Variants in SOX6 observed in about 807,000 individuals in gnomAD.
SOX6 encodes the protein SRY-box transcription factor 6.
Under a neutral mutation model 97.8 loss-of-function variants are expected in SOX6, and 11 were observed. That is an observed-to-expected ratio of 0.11 (90% confidence interval 0.07 to 0.19). SOX6 has a LOEUF of 0.19. SOX6 is among the 10% of genes least tolerant of loss of function. SOX6 has a pLI of 1.00. For missense variants in SOX6, 810 were observed against 1,039.5 expected, an observed-to-expected ratio of 0.78 and a Z score of 3.04; for synonymous variants, 360 against 371.4, an observed-to-expected ratio of 0.97 and a Z score of 0.35.
At chr11:16,416,693 C>T (rs1051806100) in intron 1 of SOX6, among the ~76,000 whole-genome samples, 2 of 152,168 alleles carry the variant, frequency 1.3e-5, no homozygotes, top group Admixed American at 6.5e-5. Flanking sequence ...CCTATACTTT[C>T]ACAAATTCAC....
chr11:16,452,376 G>A (rs1859734335), intron 1 of SOX6, among the ~76,000 whole-genome samples: 1 of 152,110 alleles, frequency 6.6e-6, no homozygotes, highest in Non-Finnish European at 1.5e-5. Flanking sequence ...GTTTTCCAAG[G>A]AAAGGGGAGT....
At chr11:16,666,510 G>GAA (rs1471408593) in intron 3 of SOX6, among the ~76,000 whole-genome samples, 1 of 152,156 alleles carries the variant, frequency 6.6e-6, no homozygotes, top group South Asian at 2.1e-4. Flanking sequence ...CAGGCTATTT[G>GAA]AAAATATATA....
intron 4 of SOX6, among the ~76,000 whole-genome samples, chr11:16,589,869 C>T (rs1010091538): frequency 6.6e-6 from 1 of 152,102 alleles, no homozygotes; most frequent in Non-Finnish European, 1.5e-5. Flanking sequence ...TCAATCAGTA[C>T]TTTACAAAAT....
intron 3 of SOX6, among the ~76,000 whole-genome samples, chr11:16,235,725 A>G (rs1481219368): frequency 6.6e-6 from 1 of 151,812 alleles, no homozygotes; most frequent in Non-Finnish European, 1.5e-5. Flanking sequence ...TTTCCCTTTC[A>G]TTTTTTATTT....
At chr11:16,275,619 G>A (rs1239204266) in intron 3 of SOX6, among the ~76,000 whole-genome samples, 7 of 152,074 alleles carry the variant, frequency 4.6e-5, no homozygotes, top group Non-Finnish European at 8.8e-5. Flanking sequence ...CTTATACAAA[G>A]GGCCTATTTG....
chr11:16,287,298 T>TCACACACACACACA (rs371413164), intron 3 of SOX6, among the ~76,000 whole-genome samples: 17 of 123,448 alleles, frequency 1.4e-4, no homozygotes, highest in African/African-American at 4.6e-4. Flanking sequence ...TCTCTCTCTC[T>TCACACACACACACA]CACACACACA....
chr11:16,325,752 TC>T (rs1319174996), intron 2 of SOX6, among the ~76,000 whole-genome samples: 1 of 152,090 alleles, frequency 6.6e-6, no homozygotes, highest in Non-Finnish European at 1.5e-5. Flanking sequence ...TGAATGTACG[TC>T]CCCCCATAAT....
chr11:16,325,417 T>A (rs751598464), intron 2 of SOX6, among the ~76,000 whole-genome samples: 8 of 152,178 alleles, frequency 5.3e-5, no homozygotes, highest in Non-Finnish European at 7.4e-5. Flanking sequence ...TTTCATTTCC[T>A]TTTTTGCTTA....
rs371539266 is a variant in SOX6 at position 16,665,176 on chromosome 11, A to T, written n.429+49654T>A. ...CCTTCTGCTTGAGAAAAGGAGAAAG[A>T]ACGGTAAAGGGGACTTTGTCTTGCA... On this transcript the variant is annotated intron_variant and non_coding_transcript_variant, in intron 3 of 5. Transcript: ENST00000524520. 4.6e-5 allele frequency among the ~76,000 whole-genome samples: 7 copies of T among 151,818 alleles called. No homozygotes were observed. The East Asian group carries it at 9.7e-4, about 21-fold the overall frequency.
At chr11:16,135,159 G>GA (rs36023545) in intron 6 of SOX6, among the ~76,000 whole-genome samples, 5 of 150,660 alleles carry the variant, frequency 3.3e-5, no homozygotes, top group Non-Finnish European at 5.9e-5. Context: ...CTACTGCTCA[G>GA]AAAAAAAAAG....
chr11:16,049,826 G>T lies in SOX6; in HGVS notation c.1364C>A (p.Pro455His). The stretch of plus-strand genomic sequence containing the variant: ...GCTGCTTTTGTTTGGCAGATTGACA[G>T]GGCTGGTTTTGCTGGCTGGGAAGAG... ...QNLFPASKTS[P>H]VNLPNKSSIP... The change falls in exon 11 of 16, where the codon CCT becomes CAT. Residue 455 changes from proline to histidine, a missense_variant. Coordinates refer to ENST00000683767, the MANE Select transcript of SOX6 (RefSeq NM_001367873.1). 6.2e-7 allele frequency: 1 copy of T among 1,613,714 alleles called. No individual in the cohort carries two copies. Among genetic ancestry groups the T allele is most frequent in the Admixed American group, 1.7e-5 (1 of 59,966 alleles).
intron 6 of SOX6, among the ~76,000 whole-genome samples, chr11:16,169,786 C>G (rs1360225399): frequency 6.6e-6 from 1 of 152,082 alleles, no homozygotes; most frequent in South Asian, 2.1e-4. Context: ...TCCCCTCCCC[C>G]TCTAGTGAAT....
chr11:16,220,392 CG>C (rs1852502746), intron 4 of SOX6, among the ~76,000 whole-genome samples: 3 of 151,854 alleles, frequency 2.0e-5, no homozygotes, highest in African/African-American at 7.3e-5. Flanking sequence ...TGTTACAAGA[CG>C]GGAATGAAGC....
At chr11:16,291,700 C>T (rs1314931386) in intron 3 of SOX6, among the ~76,000 whole-genome samples, 2 of 151,998 alleles carry the variant, frequency 1.3e-5, no homozygotes, top group Admixed American at 1.3e-4. Flanking sequence ...TAAAATAATG[C>T]TATTGTGAGG....
At chr11:16,690,057 T>C (rs1244832597) in intron 3 of SOX6, among the ~76,000 whole-genome samples, 1 of 152,030 alleles carries the variant, frequency 6.6e-6, no homozygotes, top group Non-Finnish European at 1.5e-5. Context: ...CCCGAGTATC[T>C]GGGATTACAA....
intron 2 of SOX6, among the ~76,000 whole-genome samples, chr11:16,720,703 A>T (rs1393448603): frequency 6.6e-6 from 1 of 152,060 alleles, no homozygotes; most frequent in Non-Finnish European, 1.5e-5. Flanking sequence ...TAATAATAAA[A>T]AAAAGAAAGA....
intron 15 of SOX6, among the ~76,000 whole-genome samples, chr11:15,985,133 T>C (rs1590108901): frequency 6.6e-6 from 1 of 152,210 alleles, no homozygotes; most frequent in Non-Finnish European, 1.5e-5. Flanking sequence ...TCATTGGCTT[T>C]GTTTTCTTAC....
chr11:16,321,341 C>T (rs1565090516), intron 2 of SOX6, among the ~76,000 whole-genome samples: 2 of 151,450 alleles, frequency 1.3e-5, no homozygotes, highest in South Asian at 2.1e-4. Context: ...AAGTGGTTAC[C>T]TACAAATGAC....
chr11:16,029,549 T>C (rs1196674682), intron 12 of SOX6, among the ~76,000 whole-genome samples: 1 of 151,606 alleles, frequency 6.6e-6, no homozygotes, highest in African/African-American at 2.4e-5. Flanking sequence ...GGCAGGAGAA[T>C]CACCTGAACC....
Sources: allele counts gnomAD v4.1 joint callset (sites outside exome capture counted in the v4.1 genomes callset), GRCh38; gene constraint gnomAD v4.1.1; transcripts MANE v1.5; gene names NCBI Gene and HGNC (gene_info 2026-07-23, HGNC 2026-07-21).